The following CLCN4 variants were observed in gnomAD, a reference collection of about 807,000 sequenced individuals.
CLCN4 encodes H(+)/Cl(-) exchange transporter 4.
A neutral mutation model predicts 41.7 loss-of-function variants in CLCN4; 1 was observed. The observed-to-expected ratio is 0.02, with a 90% CI of 0.01 to 0.11. The LOEUF is 0.11. Ranked by LOEUF, CLCN4 falls within the 10% of genes least tolerant of loss-of-function variation. CLCN4 has a pLI of 1.00. For missense variants in CLCN4, 287 were observed against 661.0 expected (o/e 0.43, Z 6.20); for synonymous variants, 277 against 285.8 (o/e 0.97, Z 0.31).
rs372143101 is a variant in CLCN4, at chrX:10,185,006, C to T, written c.-11-16C>T. 8.5e-6 allele frequency: 10 copies of T among 1,176,223 alleles called. No homozygotes were observed. In the South Asian group the frequency reaches 9.5e-5, roughly 11 times the overall value. On this transcript the variant is annotated splice_polypyrimidine_tract_variant and intron_variant, in intron 2 of 12. Transcript: ENST00000380833. Reference sequence around the variant, plus strand: ...ATGTCCTGCTCATGTCTTTAACGACCGGTTTTCTTGCCCAGGTGTAATTAG... The same window carrying T: ...ATGTCCTGCTCATGTCTTTAACGACTGGTTTTCTTGCCCAGGTGTAATTAG...
intron 11 of CLCN4, among the ~76,000 whole-genome samples, chrX:10,218,141 TTAAC>T (rs1171704297): frequency 8.9e-6 from 1 of 112,049 alleles, no homozygotes; most frequent in African/African-American, 3.2e-5. Context: ...TAAAAACAGT[TTAAC>T]TATTTTTAAA....
intron 2 of CLCN4, among the ~76,000 whole-genome samples, chrX:10,167,192 C>A (rs1036197866): frequency 3.6e-5 from 4 of 112,208 alleles, no homozygotes; most frequent in African/African-American, 1.3e-4. Flanking sequence ...TCGTGTGGCC[C>A]TCCACCCCTC....
At chrX:10,184,433 C>T (rs756160937) in intron 2 of CLCN4, among the ~76,000 whole-genome samples, 173 of 111,715 alleles carry the variant, frequency 1.5e-3, no homozygotes, top group Non-Finnish European at 1.7e-3. Flanking sequence ...TCTGAGAAGG[C>T]GATGCTCTGC....
chrX:10,165,346 C>T (rs913601436), intron 2 of CLCN4, among the ~76,000 whole-genome samples: 2 of 112,771 alleles, frequency 1.8e-5, no homozygotes, highest in African/African-American at 6.4e-5. Context: ...TCCTGGAAGG[C>T]TGGGGTCAGG....
intron 12 of CLCN4, among the ~76,000 whole-genome samples, chrX:10,227,504 C>G (rs929181303): frequency 1.8e-5 from 2 of 111,768 alleles, no homozygotes; most frequent in African/African-American, 6.5e-5. Context: ...AACAAAGATG[C>G]TCTCTCTCAC....
chrX:10,219,186 G>A (rs1426229807), intron 11 of CLCN4, among the ~76,000 whole-genome samples: 2 of 112,156 alleles, frequency 1.8e-5, no homozygotes, highest in South Asian at 7.3e-4. Context: ...ATTGTATTTG[G>A]TTTTAGAAGG....
intron 9 of CLCN4, 125 bp from the exon 10 acceptor site, chrX:10,212,342 G>C: frequency 1.6e-6 from 1 of 641,110 alleles, no homozygotes; most frequent in East Asian, 3.3e-5. Flanking sequence ...ATTTTGCAGA[G>C]TTGCACCTCC....
In CLCN4 at chrX:10,236,055, C is replaced by A. The variant is rs1712528471; in HGVS notation, c.*2471C>A. On this transcript the variant is annotated 3_prime_UTR_variant, in exon 13 of 13. Transcript: ENST00000380833. ...GTGGTCTCCTCAGAGCCAGCGTGTG[C>A]TGGGAAAGAGTATTAGTCATAGCCT... The A allele has an allele frequency of 8.9e-6, 1 of 112,223 alleles. No homozygotes were observed. The highest frequency in any genetic ancestry group is 1.9e-5 in the Non-Finnish European group (1 of 53,259). The allele number at this position is 112,223 out of a possible 1,213,427, so 9.2% of individuals were successfully genotyped here. A position where few individuals can be genotyped will look rare whatever the true frequency, so the allele number is the denominator to read the frequency against.
chrX:10,193,152 G>C (rs1339175774), intron 4 of CLCN4, among the ~76,000 whole-genome samples: 1 of 112,034 alleles, frequency 8.9e-6, no homozygotes, highest in African/African-American at 3.3e-5. Flanking sequence ...CCACAAGTGT[G>C]TGTCATGATT....
At chrX:10,195,314 C>CAT (rs61023983) in intron 5 of CLCN4, among the ~76,000 whole-genome samples, 1,114 of 106,604 alleles carry the variant, frequency 0.01, 7 homozygotes, top group African/African-American at 0.016. Context: ...GTGCACAATG[C>CAT]ATATATATAT....
chrX:10,212,676 G>A, intron 10 of CLCN4, 23 bp downstream of exon 10: 1 of 1,168,012 alleles, frequency 8.6e-7, no homozygotes, highest in East Asian at 3.0e-5. Context: ...GTGGGGCAGG[G>A]AGGGGGACCG....
rs750020781 is a variant in CLCN4 at position 10,222,534 on chromosome X, G to A, written c.2192+1657G>A. 4.5e-5 allele frequency among the ~76,000 whole-genome samples: 5 copies of A among 111,123 alleles called. No individual in the cohort carries two copies. In the Admixed American group the frequency reaches 4.8e-4, roughly 11 times the overall value. ...TGATTTTACCTCCCAGAGACATTGG[G>A]CAATGTCTGGAGACAATTTGGGGTG... is the stretch of plus-strand genomic sequence containing the variant. On this transcript the variant is annotated intron_variant, in intron 12 of 12. Transcript: ENST00000380833.
At chrX:10,222,493 C>T (rs767235934) in intron 12 of CLCN4, among the ~76,000 whole-genome samples, 2 of 111,363 alleles carry the variant, frequency 1.8e-5, no homozygotes, top group Non-Finnish European at 3.8e-5. Context: ...TTTAACACAG[C>T]AGTTCTCAAC....
chrX:10,163,102 A>T (rs1220566369), intron 2 of CLCN4, among the ~76,000 whole-genome samples: 1 of 113,804 alleles, frequency 8.8e-6, no homozygotes, highest in Non-Finnish European at 1.9e-5. Context: ...CCTGTGCTCC[A>T]GGTGCCCCCA....
intron 2 of CLCN4, among the ~76,000 whole-genome samples, chrX:10,172,261 G>A: frequency 8.9e-6 from 1 of 112,234 alleles, no homozygotes; most frequent in South Asian, 3.7e-4. Flanking sequence ...TCCCTCGGGA[G>A]TCAGTTCTTG....
chrX:10,233,639 A>G lies in CLCN4; in HGVS notation c.*55A>G. ...CACTGACTGTGTCATTTAAAAAGAA[A>G]TAAATGATATGTTATTATCCCAATG... On this transcript the variant is annotated 3_prime_UTR_variant, in exon 13 of 13. Coordinates refer to ENST00000380833, the MANE Select transcript of CLCN4 (RefSeq NM_001830.4). 1.1e-6 allele frequency: 1 copy of G among 916,948 alleles called. No individual in the cohort carries two copies. Among genetic ancestry groups the G allele is most frequent in the Non-Finnish European group, 1.6e-6 (1 of 629,614 alleles). The allele number at this position is 916,948 out of a possible 1,213,427, so 75.6% of individuals were successfully genotyped here.
rs1306843994 is a variant in CLCN4, at chrX:10,187,633, G to A, written c.244+19G>A. Reference sequence around the variant, plus strand: ...CTGGCGGGTACGTGGATGGGCATGCGGCACTCCCGTGGGAAGCTGCAGAGG... The same window carrying A: ...CTGGCGGGTACGTGGATGGGCATGCAGCACTCCCGTGGGAAGCTGCAGAGG... On this transcript the variant is annotated intron_variant, in intron 4 of 12. Transcript: ENST00000380833. 5 of 1,156,828 alleles carry A rather than the reference G, an allele frequency of 4.3e-6. No individual in the cohort carries two copies. The highest frequency in any genetic ancestry group is 3.0e-5 in the East Asian group (1 of 33,624).
At chrX:10,228,857 G>A (rs932728500) in intron 12 of CLCN4, among the ~76,000 whole-genome samples, 3 of 111,129 alleles carry the variant, frequency 2.7e-5, no homozygotes, top group Non-Finnish European at 5.7e-5. Flanking sequence ...TTTTAATCTG[G>A]ATGGTGGTTC....
intron 2 of CLCN4, among the ~76,000 whole-genome samples, chrX:10,178,214 A>G (rs1356973522): frequency 8.9e-6 from 1 of 111,886 alleles, no homozygotes; most frequent in Non-Finnish European, 1.9e-5. Context: ...GATAGTGGTG[A>G]TGATTGGACA....
Sources: gnomAD v4.1 joint callset for allele counts (sites outside exome capture counted in the v4.1 genomes callset) on GRCh38, gnomAD v4.1.1 for gene constraint, MANE v1.5 for transcripts, NCBI Gene and HGNC (gene_info 2026-07-23, HGNC 2026-07-21) for gene names.